RANGAP1: variants seen among roughly 807,000 people sequenced by gnomAD.
RANGAP1 encodes the protein ran GTPase-activating protein 1.
In RANGAP1, 38 loss-of-function variants were observed where a neutral mutation model predicts 63.5. The observed-to-expected ratio is 0.60, with a 90% CI of 0.46 to 0.78. The LOEUF (loss-of-function observed/expected upper bound fraction) is 0.78. Ranked by LOEUF, RANGAP1 falls within the 30% of genes least tolerant of loss-of-function variation. The pLI, the probability that RANGAP1 is intolerant of heterozygous loss-of-function variation, is 0.00. For synonymous variants in RANGAP1, 329 were observed against 310.5 expected (o/e 1.06, Z -0.63); for missense variants, 630 against 740.3 (o/e 0.85, Z 1.73).
chr22:41,261,622 C>T (rs2235850), intron 5 of RANGAP1, 42 bp from the exon 6 acceptor site: 554,603 of 1,611,956 alleles, frequency 0.34, 99,996 homozygotes, highest in Admixed American at 0.62. Context: ...GGCAGGAGCC[C>T]CTTCTCCCAG....
In RANGAP1 at chr22:41,252,958, C is replaced by T; in HGVS notation, c.1294G>A (p.Ala432Thr). The change falls in exon 12 of 16, where the codon GCA (alanine) becomes ACA (threonine). Residue 432 changes from alanine (A) to threonine (T), a missense_variant. This residue lies in a region of RANGAP1 where 428 missense variants were observed against 465.5 expected (regional missense o/e 0.92). Coordinates refer to ENST00000356244, the MANE Select transcript of RANGAP1 (RefSeq NM_002883.4). ...AAAGCCAGGAAGGTGGAGACGTCTG[C>T]AGGAGGTGGGGAGGACAGCACGGGA... is the stretch of plus-strand genomic sequence containing the variant. Reference protein sequence around the residue: ...PAPVLSSPPPADVSTFLAFPS... With the variant: ...PAPVLSSPPPTDVSTFLAFPS... 1 of 1,542,186 alleles carries T rather than the reference C, an allele frequency of 6.5e-7. No individual in the cohort carries two copies. Among genetic ancestry groups the T allele is most frequent in the South Asian group, 1.2e-5 (1 of 82,762 alleles).
chr22:41,272,091 G>A (rs1451768720), intron 3 of RANGAP1, among the ~76,000 whole-genome samples: 1 of 152,210 alleles, frequency 6.6e-6, no homozygotes, highest in Non-Finnish European at 1.5e-5. Context: ...AGAGCTGCAC[G>A]CAGGGCAAGG....
intron 1 of RANGAP1, among the ~76,000 whole-genome samples, chr22:41,282,908 G>T (rs977719123): frequency 6.6e-6 from 1 of 152,154 alleles, no homozygotes; most frequent in Non-Finnish European, 1.5e-5. Flanking sequence ...GAACTAGGGG[G>T]TGCTATCCGA....
chr22:41,298,786 A>G, the RANGAP1 span, among the ~76,000 whole-genome samples: 1 of 152,116 alleles, frequency 6.6e-6, no homozygotes, highest in Non-Finnish European at 1.5e-5. Context: ...GGTGTACCCC[A>G]TCGAGTACAG....
At chr22:41,248,270 G>C (rs1415598251) in intron 15 of RANGAP1, among the ~76,000 whole-genome samples, 2 of 152,210 alleles carry the variant, frequency 1.3e-5, no homozygotes, top group African/African-American at 4.8e-5. Flanking sequence ...GCAGAGGAGG[G>C]GAACAGTGAG....
At chr22:41,247,856 A>G (rs994530988) in intron 15 of RANGAP1, among the ~76,000 whole-genome samples, 5 of 152,208 alleles carry the variant, frequency 3.3e-5, no homozygotes, top group African/African-American at 1.2e-4. Flanking sequence ...GGGTCCGTGC[A>G]TGTCACTACA....
the RANGAP1 span, among the ~76,000 whole-genome samples, chr22:41,296,656 A>G: frequency 2.0e-5 from 3 of 152,144 alleles, no homozygotes; most frequent in Admixed American, 2.0e-4. Context: ...CCAAAAAAAA[A>G]AAAAAAACAC....
At chr22:41,290,761 T>C (rs892977739), upstream of RANGAP1, among the ~76,000 whole-genome samples, 16 of 152,198 alleles carry the variant, frequency 1.1e-4, no homozygotes, top group African/African-American at 3.9e-4. Context: ...TAATTGCCAA[T>C]TGTAAATGGA....
chr22:41,289,065 G>C (rs6002313), upstream of RANGAP1, among the ~76,000 whole-genome samples: 5 of 151,604 alleles, frequency 3.3e-5, no homozygotes, highest in African/African-American at 1.2e-4. Flanking sequence ...TGGGACTACA[G>C]GTGCACGCCA....
At chr22:41,301,954 AT>A in the RANGAP1 span, among the ~76,000 whole-genome samples, 1 of 151,902 alleles carries the variant, frequency 6.6e-6, no homozygotes, top group African/African-American at 2.4e-5. Flanking sequence ...TTTGCAAAAA[AT>A]AAATCGTCTC....
intron 12 of RANGAP1, 90 bp downstream of exon 12, chr22:41,252,782 C>A (rs898455992): frequency 1.5e-6 from 2 of 1,371,754 alleles, no homozygotes; most frequent in Non-Finnish European, 9.5e-7. Context: ...CAGCGTCGCA[C>A]CCCCAGGTCT....
intron 15 of RANGAP1, among the ~76,000 whole-genome samples, chr22:41,248,696 T>C (rs2033220389): frequency 6.6e-6 from 1 of 152,176 alleles, no homozygotes; most frequent in African/African-American, 2.4e-5. Flanking sequence ...ACACAGGGCC[T>C]TCAGAGGGCA....
chr22:41,247,115 G>C (rs1476921765), intron 15 of RANGAP1, among the ~76,000 whole-genome samples: 2 of 151,888 alleles, frequency 1.3e-5, no homozygotes, highest in African/African-American at 2.4e-5. Flanking sequence ...GAGTGCAGTG[G>C]TGCGATCTCG....
At chr22:41,297,157 A>G in the RANGAP1 span, among the ~76,000 whole-genome samples, 2 of 152,192 alleles carry the variant, frequency 1.3e-5, no homozygotes, top group African/African-American at 4.8e-5. Context: ...GGTTGCAGTG[A>G]GCTGAGATAG....
chr22:41,296,819 T>C, the RANGAP1 span, among the ~76,000 whole-genome samples: 3 of 152,134 alleles, frequency 2.0e-5, no homozygotes, highest in African/African-American at 4.8e-5. Flanking sequence ...AATTGGCTCA[T>C]GTAAGTATGA....
chr22:41,247,706 C>T (rs912979815), intron 15 of RANGAP1, among the ~76,000 whole-genome samples: 1 of 152,254 alleles, frequency 6.6e-6, no homozygotes, highest in Non-Finnish European at 1.5e-5. Context: ...GAAACTGAGG[C>T]AAGACTCTGG....
chr22:41,281,076 C>A lies in RANGAP1; in HGVS notation c.-32G>T, dbSNP rs985247334. 6.4e-7 allele frequency: 1 copy of A among 1,552,310 alleles called. No homozygotes were observed. The highest frequency in any genetic ancestry group is 1.4e-5 in the African/African-American group (1 of 72,936). On this transcript the variant is annotated 5_prime_UTR_variant, in exon 2 of 16. Coordinates refer to ENST00000356244, the MANE Select transcript of RANGAP1 (RefSeq NM_002883.4). Reference sequence around the variant, plus strand: ...TAGGCTGGTGGGCTCCCCTGGAGATCTGCAGACTGAGGAGGCCAAAGTTGC... The same window carrying A: ...TAGGCTGGTGGGCTCCCCTGGAGATATGCAGACTGAGGAGGCCAAAGTTGC...
chr22:41,286,337 C>G (rs2035749169), upstream of RANGAP1: 1 of 152,282 alleles, frequency 6.6e-6, no homozygotes, highest in Non-Finnish European at 1.5e-5. Context: ...CGCGATGGGG[C>G]GCGCACCGCG....
intron 1 of RANGAP1, among the ~76,000 whole-genome samples, chr22:41,284,102 CCGGGCCTGGTGGCGGGGGCCTGT>C (rs1157154906): frequency 6.6e-6 from 1 of 151,800 alleles, no homozygotes; most frequent in African/African-American, 2.4e-5. Context: ...AAAAAATTAG[CCGGGCCTGGTGGCGGGGGCCTGT>C]AGTCCCAGCT....
Sources: allele counts gnomAD v4.1 joint callset (sites outside exome capture counted in the v4.1 genomes callset), GRCh38; gene constraint gnomAD v4.1.1; regional missense constraint gnomAD v4.1.1; transcripts MANE v1.5; gene names NCBI Gene and HGNC (gene_info 2026-07-23, HGNC 2026-07-21).